AGBL1: variants seen among roughly 807,000 people sequenced by gnomAD.
AGBL1 encodes AGBL carboxypeptidase 1.
A neutral mutation model predicts 118.9 loss-of-function variants in AGBL1; 130 were observed. The ratio of observed to expected loss-of-function variants is 1.09; its 90% CI spans 0.95 to 1.26. The LOEUF is 1.26. Ranked by LOEUF, AGBL1 falls within the 50% of genes most tolerant of loss-of-function variation. The probability of loss-of-function intolerance (pLI) is 0.00; values close to 1 mark genes in which losing one functional copy is unlikely to be tolerated. For synonymous variants in AGBL1, 555 were observed against 478.9 expected (o/e 1.16, Z -2.08); for missense variants, 1,584 against 1,298.1 (o/e 1.22, Z -3.38).
At chr15:86,775,486 G>A (rs529014536) in intron 22 of AGBL1, among the ~76,000 whole-genome samples, 2 of 152,186 alleles carry the variant, frequency 1.3e-5, no homozygotes, top group Admixed American at 6.6e-5. Flanking sequence ...TAAATCCTGT[G>A]GTGGTGAGAG....
At chr15:87,029,497 T>TAACA (rs1555473445), downstream of AGBL1, among the ~76,000 whole-genome samples, 1 of 107,222 alleles carries the variant, frequency 9.3e-6, no homozygotes, top group Non-Finnish European at 1.7e-5. Flanking sequence ...TTTATAATAA[T>TAACA]AACAACAACG....
intron 18 of AGBL1, among the ~76,000 whole-genome samples, chr15:86,425,054 G>A (rs1019333388): frequency 2.0e-5 from 3 of 152,146 alleles, no homozygotes; most frequent in Admixed American, 2.0e-4. Context: ...ATACCCAAAT[G>A]ATTATAAATC....
At chr15:86,557,707 A>T (rs1307223780) in intron 21 of AGBL1, among the ~76,000 whole-genome samples, 1 of 152,110 alleles carries the variant, frequency 6.6e-6, no homozygotes, top group African/African-American at 2.4e-5. Context: ...CCACCTCATC[A>T]TCGTGGTGAG....
chr15:86,667,978 C>A (rs2085676781), intron 21 of AGBL1, among the ~76,000 whole-genome samples: 2 of 152,182 alleles, frequency 1.3e-5, no homozygotes, highest in South Asian at 4.1e-4. Context: ...CCTCAGGGAG[C>A]TTTCCCTCAT....
intron 22 of AGBL1, among the ~76,000 whole-genome samples, chr15:86,741,611 A>G (rs529081241): frequency 4.7e-4 from 72 of 152,112 alleles, no homozygotes; most frequent in African/African-American, 1.6e-3. Context: ...AATTTAGATC[A>G]GGAGGCAATC....
chr15:86,289,871 G>A (rs1489148013), intron 16 of AGBL1, among the ~76,000 whole-genome samples: 2 of 152,130 alleles, frequency 1.3e-5, no homozygotes, highest in Non-Finnish European at 2.9e-5. Flanking sequence ...CATCTTCACA[G>A]GTTGCAGGGA....
chr15:86,397,359 T>A lies in AGBL1; in HGVS notation c.2375-7T>A. On this transcript the variant is annotated splice_polypyrimidine_tract_variant and splice_region_variant and intron_variant, in intron 17 of 22. Transcript: ENST00000614907. ...GGTTTAATTTTCTTATGTCCCTTTTTCTGCAGGACATCGTCCATATCAGGT... is the reference window on the plus strand; with the variant it reads ...GGTTTAATTTTCTTATGTCCCTTTTACTGCAGGACATCGTCCATATCAGGT... The A allele has an allele frequency of 6.7e-7, 1 of 1,483,322 alleles. No homozygotes were observed. Among genetic ancestry groups the A allele is most frequent in the Non-Finnish European group, 9.1e-7 (1 of 1,104,062 alleles). The allele number at this position is 1,483,322 out of a possible 1,614,324, so 91.9% of individuals were successfully genotyped here.
chr15:86,111,667 C>G (rs1163779869), intron 1 of AGBL1, among the ~76,000 whole-genome samples: 1 of 152,152 alleles, frequency 6.6e-6, no homozygotes. Flanking sequence ...TTGGGGAAAA[C>G]ACTTGTGTAG....
chr15:86,727,815 C>T (rs1266363980), intron 22 of AGBL1, among the ~76,000 whole-genome samples: 2 of 152,146 alleles, frequency 1.3e-5, no homozygotes, highest in African/African-American at 4.8e-5. Context: ...TGTATCCCTT[C>T]ATTTTATAAA....
At chr15:86,442,137 A>G (rs374073523) in intron 18 of AGBL1, among the ~76,000 whole-genome samples, 1 of 152,216 alleles carries the variant, frequency 6.6e-6, no homozygotes, top group East Asian at 1.9e-4. Context: ...GTGCCTTGTC[A>G]CTGGGTACCA....
rs369848389 is a variant in AGBL1, at chr15:86,348,646, T to C, written c.2375-48720T>C. Among the ~76,000 whole-genome samples, 46 of 152,118 alleles carry C rather than the reference T, an allele frequency of 3.0e-4. 1 individual carries two copies. Among genetic ancestry groups the C allele is most frequent in the African/African-American group, 1.1e-3 (44 of 41,530 alleles). On this transcript the variant is annotated intron_variant, in intron 17 of 22. Coordinates refer to ENST00000614907, the MANE Select transcript of AGBL1 (RefSeq NM_001386094.1). The stretch of plus-strand genomic sequence containing the variant: ...TGTAACAATTAGCTGGGTATGATGG[T>C]GCACACCAGTAATCCCAGCTACTCA...
chr15:86,959,120 G>A (rs575512802), intron 23 of AGBL1, among the ~76,000 whole-genome samples: 4 of 152,002 alleles, frequency 2.6e-5, no homozygotes, highest in Admixed American at 6.6e-5. Flanking sequence ...TACTTAAGTC[G>A]TTAATAACAA....
chr15:86,187,863 C>T (rs756050996), intron 5 of AGBL1, among the ~76,000 whole-genome samples: 3 of 152,178 alleles, frequency 2.0e-5, no homozygotes, highest in Non-Finnish European at 2.9e-5. Flanking sequence ...TTGCTCAAAA[C>T]GCTGCTTCCT....
chr15:86,170,806 A>G (rs527793745), intron 5 of AGBL1, among the ~76,000 whole-genome samples: 6 of 151,968 alleles, frequency 3.9e-5, no homozygotes, highest in Non-Finnish European at 5.9e-5. Context: ...AGATCACACC[A>G]CTGCACTCCA....
At chr15:86,777,434 T>C (rs2078273752) in intron 22 of AGBL1, among the ~76,000 whole-genome samples, 1 of 152,072 alleles carries the variant, frequency 6.6e-6, no homozygotes. Context: ...CTATTTTTTT[T>C]TCCCTTTACA....
chr15:86,748,027 A>C (rs2077783706), intron 22 of AGBL1, among the ~76,000 whole-genome samples: 1 of 152,106 alleles, frequency 6.6e-6, no homozygotes, highest in Admixed American at 6.6e-5. Flanking sequence ...TGGTATTTCT[A>C]GTTCTAGATC....
rs373825390 is a variant in AGBL1 at position 86,292,176 on chromosome 15, G to T, written c.2221-3079G>T. Among the ~76,000 whole-genome samples the T allele has an allele frequency of 2.6e-5, 4 of 152,262 alleles. No homozygotes were observed. The South Asian group carries it at 6.2e-4, about 24-fold the overall frequency. ...ATGTGATTAGAGACTTTAAGATGGG[G>T]AGATTAACCTTGATTATCAGATTGG... On this transcript the variant is annotated intron_variant, in intron 16 of 22. Coordinates refer to ENST00000614907, the MANE Select transcript of AGBL1 (RefSeq NM_001386094.1).
At chr15:86,709,319 C>G (rs8027439) in intron 22 of AGBL1, among the ~76,000 whole-genome samples, 131,055 of 151,974 alleles carry the variant, frequency 0.86, 56,638 homozygotes, top group East Asian at 0.94. Context: ...TTATTTCCTA[C>G]TTGTCTTATG....
intron 18 of AGBL1, among the ~76,000 whole-genome samples, chr15:86,425,881 G>A (rs2081860822): frequency 6.6e-6 from 1 of 152,138 alleles, no homozygotes; most frequent in African/African-American, 2.4e-5. Flanking sequence ...CCGTCACACT[G>A]TCAGATGATT....
Sources: gnomAD v4.1 joint callset for allele counts (sites outside exome capture counted in the v4.1 genomes callset) on GRCh38, gnomAD v4.1.1 for gene constraint, MANE v1.5 for transcripts, NCBI Gene and HGNC (gene_info 2026-07-23, HGNC 2026-07-21) for gene names.